The following UBL7 variants were observed in gnomAD, a reference collection of about 807,000 sequenced individuals.
UBL7 encodes ubiquitin-like protein 7.
UBL7 carries 21 observed loss-of-function variants against 41.7 expected under a neutral mutation model. That is an observed-to-expected ratio of 0.50 (90% CI 0.36 to 0.73). UBL7 has a LOEUF of 0.73. Ranked by LOEUF, UBL7 falls within the 30% of genes least tolerant of loss-of-function variation. The pLI, the probability that UBL7 is intolerant of heterozygous loss-of-function variation, is 0.00. For missense variants in UBL7, 403 were observed against 478.4 expected (o/e 0.84, Z 1.47); for synonymous variants, 157 against 186.9 (o/e 0.84, Z 1.31).
chr15:74,446,000 G>A lies in UBL7; in HGVS notation c.*90C>T. 1 of 1,519,034 alleles carries A rather than the reference G, an allele frequency of 6.6e-7. No individual in the cohort carries two copies. Among genetic ancestry groups the A allele is most frequent in the Non-Finnish European group, 8.9e-7 (1 of 1,123,470 alleles). The allele number at this position is 1,519,034 out of a possible 1,614,324, so 94.1% of individuals were successfully genotyped here. A position where few individuals can be genotyped will look rare whatever the true frequency, so the allele number is the denominator to read the frequency against. On this transcript the variant is annotated 3_prime_UTR_variant, in exon 11 of 11. Transcript: ENST00000395081. ...AGGAGAGTTGACCATCAGGTATATT[G>A]GGGAAGGGAGAGATGGAGGCACCTT... is the stretch of plus-strand genomic sequence containing the variant.
In UBL7 at chr15:74,458,678, A is replaced by T. The variant is rs542112813; in HGVS notation, c.184+6T>A. ...AGCAGCCCAACCCCAGTCCAGAGAG[A>T]CTCACCAATCAGCTCAGGGTCTGGA... On this transcript the variant is annotated splice_donor_region_variant and intron_variant, in intron 2 of 10. Transcript: ENST00000395081. The T allele has an allele frequency of 5.0e-6, 8 of 1,608,772 alleles. No individual in the cohort carries two copies. The South Asian group carries it at 8.8e-5, about 18-fold the overall frequency.
rs2061318900 is a variant in UBL7, at chr15:74,458,825, G to A, written c.43C>T (p.Gln15Ter). The change falls in exon 2 of 11, where the codon CAG (glutamine) becomes TAG (stop). Residue 15 changes from glutamine (Q) to a stop codon, truncating the protein, a stop_gained. Coordinates refer to ENST00000395081, the MANE Select transcript of UBL7 (RefSeq NM_032907.5). LOFTEE classifies it high-confidence loss of function. The stretch of plus-strand genomic sequence containing the variant: ...AGAATAGACTTTGGAGTAAGTGGCT[G>A]GTCAGCCAGCTTCACCGCCAGGTGC... ...DWHLAVKLAD[Q>*]PLTPKSILRL... 6.2e-7 allele frequency: 1 copy of A among 1,613,110 alleles called. No individual in the cohort carries two copies. Among genetic ancestry groups the A allele is most frequent in the Non-Finnish European group, 8.5e-7 (1 of 1,180,042 alleles).
At chr15:74,449,725 G>A (rs377310557) in intron 7 of UBL7, 50 bp from the exon 8 acceptor site, 68 of 1,609,288 alleles carry the variant, frequency 4.2e-5, no homozygotes, top group African/African-American at 2.7e-4. Flanking sequence ...AGGCACAGGC[G>A]CAGCTCCAGA....
Position 74,449,340 on chromosome 15 carries a change from G to A in UBL7, c.728C>T (p.Thr243Ile). Reference protein sequence around the residue: ...EDDFHPNTRSTPSSSTPSSRP... With the variant: ...EDDFHPNTRSIPSSSTPSSRP... The stretch of plus-strand genomic sequence containing the variant: ...GGAGCTGGGAGTACTGCTAGAGGGT[G>A]TGGACCTGGTGTTCTGGAGAAAGAA... Residue 243 changes from threonine (T) to isoleucine (I), a missense_variant, in exon 9 of 11, where the codon ACA (threonine) becomes ATA (isoleucine). Thr to Ile is a moderately conservative substitution (Grantham distance 89, BLOSUM62 -1). Coordinates refer to ENST00000395081, the MANE Select transcript of UBL7 (RefSeq NM_032907.5). 1 of 1,614,098 alleles carries A rather than the reference G, an allele frequency of 6.2e-7. No individual in the cohort carries two copies. The highest frequency in any genetic ancestry group is 8.5e-7 in the Non-Finnish European group (1 of 1,180,012).
At chr15:74,449,040 G>A in intron 9 of UBL7, 146 bp downstream of exon 9, 1 of 975,874 alleles carries the variant, frequency 1.0e-6, no homozygotes, top group Non-Finnish European at 1.5e-6. Context: ...GGTCACTCAA[G>A]CTGCAGTAAG....
At chr15:74,448,812 C>T (rs1271164198) in intron 9 of UBL7, among the ~76,000 whole-genome samples, 1 of 152,150 alleles carries the variant, frequency 6.6e-6, no homozygotes, top group Non-Finnish European at 1.5e-5. Context: ...AGCCCCTTGT[C>T]CCAGCCTAGG....
intron 6 of UBL7, among the ~76,000 whole-genome samples, chr15:74,450,427 C>T (rs1241102987): frequency 6.6e-6 from 1 of 152,034 alleles, no homozygotes; most frequent in African/African-American, 2.4e-5. Context: ...CTTCTCTTCC[C>T]AGGGTGGGGC....
chr15:74,447,336 A>G (rs1224596470), intron 10 of UBL7, among the ~76,000 whole-genome samples: 1 of 152,244 alleles, frequency 6.6e-6, no homozygotes, highest in African/African-American at 2.4e-5. Context: ...CTGCTCATGC[A>G]TGGAGCTGTG....
At chr15:74,450,955 A>G (rs1466474578) in intron 5 of UBL7, 96 bp from the exon 6 acceptor site, 14 of 1,248,098 alleles carry the variant, frequency 1.1e-5, no homozygotes, top group Non-Finnish European at 1.6e-5. Flanking sequence ...CTCAACAGGG[A>G]CACAGGACAA....
Position 74,450,721 on chromosome 15 carries a change from C to A in UBL7, c.530+81G>T. 2.7e-6 allele frequency: 4 copies of A among 1,486,228 alleles called. No homozygotes were observed. In the South Asian group the frequency reaches 4.6e-5, roughly 17 times the overall value. 92.1% of individuals were successfully genotyped at this position (1,486,228 alleles called of 1,614,324 possible). On this transcript the variant is annotated intron_variant, in intron 6 of 10. Coordinates refer to ENST00000395081, the MANE Select transcript of UBL7 (RefSeq NM_032907.5). ...ACAGACTATGGATGGGCTCCCAGAG[C>A]AGACTGCAGGGTGACAATTAGGCTT...
chr15:74,448,399 C>T (rs761246368), intron 10 of UBL7, 79 bp downstream of exon 10: 76 of 1,589,494 alleles, frequency 4.8e-5, no homozygotes, highest in African/African-American at 2.7e-4. Flanking sequence ...TGTGAAGGAC[C>T]GCCAGAGAGC....
chr15:74,449,031 G>T (rs1392923611), intron 9 of UBL7, among the ~76,000 whole-genome samples, 155 bp downstream of exon 9: 1 of 152,162 alleles, frequency 6.6e-6, no homozygotes, highest in Non-Finnish European at 1.5e-5. Context: ...TGAAGGGGAG[G>T]TCACTCAAGC....
At chr15:74,456,148 AT>A (rs1454647122) in intron 3 of UBL7, among the ~76,000 whole-genome samples, 1,442 of 140,960 alleles carry the variant, frequency 0.01, 20 homozygotes, top group African/African-American at 0.038. Flanking sequence ...AAAAAAAAAA[AT>A]TAGCTGGGCA....
At chr15:74,454,429 G>A (rs1002821771) in intron 3 of UBL7, among the ~76,000 whole-genome samples, 2 of 151,668 alleles carry the variant, frequency 1.3e-5, no homozygotes, top group Admixed American at 6.6e-5. Context: ...ACAGAGTTTC[G>A]CTCTTGTTGC....
At chr15:74,452,253 C>A (rs1315926031) in intron 4 of UBL7, 43 bp downstream of exon 4, 9 of 1,533,562 alleles carry the variant, frequency 5.9e-6, no homozygotes, top group East Asian at 2.5e-5. Flanking sequence ...AGCGTTCACA[C>A]CCTCTCCTAC....
Position 74,452,294 on chromosome 15 carries a change from A to C in UBL7, c.387+2T>G, listed in dbSNP as rs1434832226. ...TGGCTGGGGGCCGCAGCACACACTC[A>C]CCGCCTCCCTGTAAGAGGAGCTGCT... On this transcript the variant is annotated splice_donor_variant, in intron 4 of 10. Transcript: ENST00000395081. LOFTEE classifies it high-confidence loss of function. 1 of 1,554,440 alleles carries C rather than the reference A, an allele frequency of 6.4e-7. No homozygotes were observed. Among genetic ancestry groups the C allele is most frequent in the African/African-American group, 1.4e-5 (1 of 73,300 alleles).
chr15:74,457,431 T>C (rs942997877), intron 2 of UBL7, among the ~76,000 whole-genome samples: 3 of 152,096 alleles, frequency 2.0e-5, no homozygotes, highest in Admixed American at 2.0e-4. Flanking sequence ...TAATCCCTGC[T>C]ACTCAGGAGG....
rs1335248518 is a variant in UBL7, at chr15:74,456,534, G to A, written c.304+18C>T. ...TATTACAGAAACTCTGCCTGCCTAAGGGCTGCCCCTCACTCACCCGGTTTC... is the reference window on the plus strand; with the variant it reads ...TATTACAGAAACTCTGCCTGCCTAAAGGCTGCCCCTCACTCACCCGGTTTC... On this transcript the variant is annotated intron_variant, in intron 3 of 10. Coordinates refer to ENST00000395081, the MANE Select transcript of UBL7 (RefSeq NM_032907.5). The A allele has an allele frequency of 2.5e-6, 4 of 1,613,408 alleles. No individual in the cohort carries two copies. The South Asian group carries it at 3.3e-5, about 13-fold the overall frequency.
intron 5 of UBL7, 132 bp downstream of exon 5, chr15:74,451,304 G>C: frequency 1.2e-6 from 1 of 808,244 alleles, no homozygotes; most frequent in Non-Finnish European, 2.0e-6. Flanking sequence ...AACACACCTT[G>C]ATTACTCTCC....
Sources: allele counts gnomAD v4.1 joint callset (sites outside exome capture counted in the v4.1 genomes callset), GRCh38; gene constraint gnomAD v4.1.1; transcripts MANE v1.5; gene names NCBI Gene and HGNC (gene_info 2026-07-23, HGNC 2026-07-21).